The following KCNQ3 variants were observed in gnomAD, a reference collection of about 807,000 sequenced individuals.
KCNQ3 encodes the protein potassium voltage-gated channel subfamily Q member 3, also known as potassium voltage-gated channel subfamily KQT member 3.
Under a neutral mutation model 92.5 loss-of-function variants are expected in KCNQ3, and 30 were observed. That is an observed-to-expected ratio of 0.32 (90% CI 0.24 to 0.44). The LOEUF (loss-of-function observed/expected upper bound fraction) is 0.44, where lower values mean the gene tolerates loss of function less well. Ranked by LOEUF, KCNQ3 falls within the 20% of genes least tolerant of loss-of-function variation. The pLI, the probability that KCNQ3 is intolerant of heterozygous loss-of-function variation, is 1.00. For missense variants in KCNQ3, 913 were observed against 1,140.3 expected, an observed-to-expected ratio of 0.80 and a Z score of 2.87; for synonymous variants, 450 against 468.8, an observed-to-expected ratio of 0.96 and a Z score of 0.52.
intron 1 of KCNQ3, among the ~76,000 whole-genome samples, chr8:132,350,156 C>T (rs1303355097): frequency 2.0e-5 from 3 of 152,138 alleles, no homozygotes; most frequent in Admixed American, 6.5e-5. Context: ...GTTGGCAGTC[C>T]GGATACATCT....
At chr8:132,315,728 C>G (rs1432514776) in intron 1 of KCNQ3, among the ~76,000 whole-genome samples, 1 of 151,628 alleles carries the variant, frequency 6.6e-6, no homozygotes, top group African/African-American at 2.4e-5. Flanking sequence ...TTCCTTGTGT[C>G]TGAAATATTT....
intron 1 of KCNQ3, among the ~76,000 whole-genome samples, chr8:132,445,321 G>A (rs1397410364): frequency 6.6e-6 from 1 of 152,170 alleles, no homozygotes; most frequent in Non-Finnish European, 1.5e-5. Context: ...GCAAAGGTGA[G>A]GAGGAGGAAA....
chr8:132,164,542 T>A (rs1202366269), intron 8 of KCNQ3, among the ~76,000 whole-genome samples: 2 of 152,082 alleles, frequency 1.3e-5, no homozygotes, highest in Non-Finnish European at 2.9e-5. Context: ...AGTTACAGTG[T>A]GGCCTTGGGC....
At chr8:132,186,230 G>A in intron 1 of KCNQ3, 49 bp from the exon 2 acceptor site, 1 of 1,369,326 alleles carries the variant, frequency 7.3e-7, no homozygotes, top group Non-Finnish European at 1.0e-6. Flanking sequence ...GTCATGGCTT[G>A]CTTTGAGGCT....
chr8:132,434,223 A>AT (rs1821331194), intron 1 of KCNQ3, among the ~76,000 whole-genome samples: 12 of 141,500 alleles, frequency 8.5e-5, no homozygotes, highest in South Asian at 2.2e-4. Context: ...AAAAAAAAAA[A>AT]AAAATAATAA....
chr8:132,327,502 G>A (rs1022888045), intron 1 of KCNQ3, among the ~76,000 whole-genome samples: 1 of 152,156 alleles, frequency 6.6e-6, no homozygotes, highest in Non-Finnish European at 1.5e-5. Context: ...CAGGGACCCT[G>A]TCCTGGCTCT....
chr8:132,229,271 A>G (rs1814548435), intron 1 of KCNQ3, among the ~76,000 whole-genome samples: 2 of 152,048 alleles, frequency 1.3e-5, no homozygotes, highest in Admixed American at 1.3e-4. Context: ...AAAAAAAAAA[A>G]AAAAAATTCT....
In KCNQ3 at chr8:132,432,355, C is replaced by CAA. The variant is rs11411494; in HGVS notation, c.386+47790_386+47791dup. Among the ~76,000 whole-genome samples the CAA allele has an allele frequency of 4.3e-3, 576 of 134,454 alleles. 1 individual carries two copies. The highest frequency in any genetic ancestry group is 7.3e-3 in the Middle Eastern group (2 of 274). The allele number at this position is 134,454 out of a possible 152,430, so 88.2% of individuals were successfully genotyped here. A position where few individuals can be genotyped will look rare whatever the true frequency, so the allele number is the denominator to read the frequency against. On this transcript the variant is annotated intron_variant, in intron 1 of 14. Transcript: ENST00000388996. The stretch of plus-strand genomic sequence containing the variant: ...GGCCTAAGGCAGAAAATGAATACGG[C>CAA]AAAAAAAAAAAAACCTGGAACATAA...
chr8:132,197,457 G>C (rs1827330246), intron 1 of KCNQ3, among the ~76,000 whole-genome samples: 1 of 152,150 alleles, frequency 6.6e-6, no homozygotes, highest in Non-Finnish European at 1.5e-5. Context: ...GTGAAGCTCT[G>C]GCAAGTCACA....
intron 1 of KCNQ3, among the ~76,000 whole-genome samples, chr8:132,420,778 C>A (rs1208172465): frequency 6.6e-6 from 1 of 152,114 alleles, no homozygotes; most frequent in African/African-American, 2.4e-5. Flanking sequence ...ATGTGTTTTG[C>A]ATTTCTGGAG....
chr8:132,367,246 C>T (rs113279878), intron 1 of KCNQ3, among the ~76,000 whole-genome samples: 1 of 151,574 alleles, frequency 6.6e-6, no homozygotes, highest in African/African-American at 2.4e-5. Context: ...TGATTTCCCA[C>T]ATCAGTATTT....
intron 1 of KCNQ3, among the ~76,000 whole-genome samples, chr8:132,478,158 GGAAACAGGC>G (rs1822458125): frequency 6.6e-6 from 1 of 152,044 alleles, no homozygotes; most frequent in Non-Finnish European, 1.5e-5. Context: ...ATCCTTTTTG[GGAAACAGGC>G]TCCAGGTTTT....
chr8:132,364,670 T>C (rs1039731001), intron 1 of KCNQ3, among the ~76,000 whole-genome samples: 2 of 149,110 alleles, frequency 1.3e-5, no homozygotes, highest in South Asian at 2.1e-4. Flanking sequence ...AGTAAATGGA[T>C]GGACGGACGG....
At chr8:132,169,829 G>A (rs1826261904) in intron 8 of KCNQ3, among the ~76,000 whole-genome samples, 1 of 152,036 alleles carries the variant, frequency 6.6e-6, no homozygotes, top group Non-Finnish European at 1.5e-5. Flanking sequence ...AGCTTGAGGT[G>A]TGGCCTAGGC....
intron 9 of KCNQ3, among the ~76,000 whole-genome samples, chr8:132,153,829 A>G (rs970680789): frequency 1.3e-5 from 2 of 151,938 alleles, no homozygotes; most frequent in Admixed American, 1.3e-4. Context: ...GAGGAAGGAG[A>G]GAAAAAGGAA....
intron 1 of KCNQ3, among the ~76,000 whole-genome samples, chr8:132,340,519 C>T (rs371035569): frequency 1.3e-5 from 2 of 152,112 alleles, no homozygotes; most frequent in South Asian, 4.2e-4. Flanking sequence ...GAACAGAAAA[C>T]CAAACACCGC....
At chr8:132,403,403 C>T (rs1188478110) in intron 1 of KCNQ3, among the ~76,000 whole-genome samples, 2 of 152,162 alleles carry the variant, frequency 1.3e-5, no homozygotes, top group Non-Finnish European at 2.9e-5. Context: ...GCAGCCCATT[C>T]CCGCTCTTCA....
rs574863300 is a variant in KCNQ3 at position 132,423,947 on chromosome 8, C to CA, written c.386+56199dup. On this transcript the variant is annotated intron_variant, in intron 1 of 14. Coordinates refer to ENST00000388996, the MANE Select transcript of KCNQ3 (RefSeq NM_004519.4). ...ATCCTGAGCACAACCAAAACTAGGT[C>CA]AAAAAAATTATTTCTGGGATTTAAA... is the stretch of plus-strand genomic sequence containing the variant. Among the ~76,000 whole-genome samples, 281 of 151,950 alleles carry CA rather than the reference C, an allele frequency of 1.8e-3. 1 individual carries two copies. The highest frequency in any genetic ancestry group is 6.4e-3 in the African/African-American group (267 of 41,444).
chr8:132,374,678 A>AGGGAG (rs1819563680), intron 1 of KCNQ3, among the ~76,000 whole-genome samples: 2 of 152,090 alleles, frequency 1.3e-5, no homozygotes, highest in Non-Finnish European at 2.9e-5. Flanking sequence ...CTCTCCTCCC[A>AGGGAG]GCCTCCACCC....
Sources: gnomAD v4.1 joint callset for allele counts (sites outside exome capture counted in the v4.1 genomes callset) on GRCh38, gnomAD v4.1.1 for gene constraint, MANE v1.5 for transcripts, NCBI Gene and HGNC (gene_info 2026-07-23, HGNC 2026-07-21) for gene names.